The following ABCA6 variants were observed in gnomAD, a reference collection of about 807,000 sequenced individuals.
ABCA6 encodes ATP binding cassette subfamily A member 6, also known as ATP-binding cassette sub-family A member 6.
A neutral mutation model predicts 191.2 loss-of-function variants in ABCA6; 164 were observed. That is an observed-to-expected ratio of 0.86 (90% CI 0.76 to 0.98). ABCA6 has a LOEUF of 0.98. ABCA6 is among the 50% of genes least tolerant of loss of function. ABCA6 has a pLI of 0.00. For missense variants in ABCA6, 1,958 were observed against 1,894.1 expected (o/e 1.03, Z -0.63); for synonymous variants, 636 against 647.7 (o/e 0.98, Z 0.27).
At position 69,134,748 on chromosome 17, in the gene ABCA6, AG is replaced by A. The variant is rs2073921875; in HGVS notation, c.461-7del. On this transcript the variant is annotated splice_region_variant and splice_polypyrimidine_tract_variant and intron_variant, in intron 4 of 38. Coordinates refer to ENST00000284425, the MANE Select transcript of ABCA6 (RefSeq NM_080284.3). ...ATATCCATCCCAGCAATGAGCTGTA[AG>A]CACAAAGAAAAGCACAGCCAACATT... 6.2e-7 allele frequency: 1 copy of A among 1,602,132 alleles called. No homozygotes were observed. The highest frequency in any genetic ancestry group is 2.2e-5 in the East Asian group (1 of 44,786).
In ABCA6 at chr17:69,106,012, G is replaced by C. The variant is rs1458261991; in HGVS notation, c.2573+16C>G. On this transcript the variant is annotated intron_variant, in intron 19 of 38. Coordinates refer to ENST00000284425, the MANE Select transcript of ABCA6 (RefSeq NM_080284.3). ...AAATTCATGATCTAACAAAACCACA[G>C]TACTCTCCTACTCACAGGGTCAATA... is the stretch of plus-strand genomic sequence containing the variant. The C allele has an allele frequency of 1.9e-6, 3 of 1,587,834 alleles. No individual in the cohort carries two copies. The highest frequency in any genetic ancestry group is 1.4e-5 in the African/African-American group (1 of 73,588).
At position 69,128,618 on chromosome 17, in the gene ABCA6, C is replaced by G. The variant is rs769920811; in HGVS notation, c.1119+1G>C. ...AATAAACCAATTAACTAGGCTCTTA[C>G]CTGAATCATTCCAGTAGTAAAGGCA... On this transcript the variant is annotated splice_donor_variant, in intron 8 of 38. Transcript: ENST00000284425. LOFTEE classifies it high-confidence loss of function. 6.2e-7 allele frequency: 1 copy of G among 1,607,960 alleles called. No homozygotes were observed. The highest frequency in any genetic ancestry group is 2.2e-5 in the East Asian group (1 of 44,752).
chr17:69,090,583 T>C (rs1860120), intron 26 of ABCA6, among the ~76,000 whole-genome samples: 123,772 of 152,192 alleles, frequency 0.81, 52,661 homozygotes, highest in Non-Finnish European at 0.94. Context: ...CATTTAAGTT[T>C]CTTGTATTAA....
chr17:69,129,494 GCA>G, intron 7 of ABCA6, 114 bp downstream of exon 7: 2 of 842,046 alleles, frequency 2.4e-6, no homozygotes, highest in Non-Finnish European at 3.7e-6. Context: ...ACACACACAT[GCA>G]CACACACAAT....
chr17:69,083,176 T>C (rs553230618), intron 35 of ABCA6, 36 bp downstream of exon 35: 2 of 1,566,742 alleles, frequency 1.3e-6, no homozygotes, highest in South Asian at 1.2e-5. Context: ...AAATCTCATT[T>C]TGAGCATCAA....
In ABCA6 at chr17:69,113,534, A is replaced by G. The variant is rs2073475161; in HGVS notation, c.1902+84T>C. The stretch of plus-strand genomic sequence containing the variant: ...TTCTCTCTTGATGCATTACAATGAA[A>G]GCTCTACCACTTTTAGTGGTAAAAG... On this transcript the variant is annotated intron_variant, in intron 14 of 38. Coordinates refer to ENST00000284425, the MANE Select transcript of ABCA6 (RefSeq NM_080284.3). 3 of 1,595,336 alleles carry G rather than the reference A, an allele frequency of 1.9e-6. No homozygotes were observed. The South Asian group carries it at 3.4e-5, about 18-fold the overall frequency.
chr17:69,137,353 T>C lies in ABCA6; in HGVS notation c.244A>G (p.Ile82Val), dbSNP rs1182314878. The change falls in exon 3 of 39, where the codon ATA becomes GTA. Residue 82 changes from isoleucine to valine, a missense_variant. By Grantham distance (29) the Ile-to-Val change is conservative. Transcript: ENST00000284425. ...ATTATCTGCTGGGTTAAATTAGATA[T>C]TGGTGTATACACAACCATTAAAGAA... The part of the protein sequence containing the change: ...SSSLMVVYTP[I>V]SNLTQQIMNK... 2 of 1,613,666 alleles carry C rather than the reference T, an allele frequency of 1.2e-6. No homozygotes were observed. The highest frequency in any genetic ancestry group is 8.5e-7 in the Non-Finnish European group (1 of 1,179,738).
chr17:69,114,558 A>G (rs1358120161), intron 13 of ABCA6, among the ~76,000 whole-genome samples: 1 of 152,196 alleles, frequency 6.6e-6, no homozygotes, highest in Non-Finnish European at 1.5e-5. Flanking sequence ...AACTTAAAGT[A>G]TAATAAAAAA....
chr17:69,112,599 A>T (rs2073446773), intron 15 of ABCA6: 1 of 250,852 alleles, frequency 4.0e-6, no homozygotes, highest in African/African-American at 2.3e-5. Flanking sequence ...TGAGAGCTAA[A>T]AAATGGGTAC....
intron 36 of ABCA6, among the ~76,000 whole-genome samples, chr17:69,081,916 G>A (rs1314109282): frequency 6.6e-6 from 1 of 152,198 alleles, no homozygotes; most frequent in Admixed American, 6.5e-5. Flanking sequence ...AGACGTAATT[G>A]ATTTGGGGCA....
In ABCA6 at chr17:69,087,474, C is replaced by T; in HGVS notation, c.3699-1G>A. The T allele has an allele frequency of 6.2e-7, 1 of 1,613,328 alleles. No individual in the cohort carries two copies. The highest frequency in any genetic ancestry group is 1.7e-4 in the Middle Eastern group (1 of 6,058). ...AGCATCTCTACTTTGGGGGGAAATT[C>T]TATGGAGAAAATGAAATGTGTTACA... On this transcript the variant is annotated splice_acceptor_variant, in intron 28 of 38. Transcript: ENST00000284425. LOFTEE classifies it high-confidence loss of function.
intron 29 of ABCA6, 40 bp downstream of exon 29, chr17:69,087,313 A>T: frequency 1.2e-6 from 2 of 1,601,336 alleles, no homozygotes; most frequent in Non-Finnish European, 1.7e-6. Flanking sequence ...CAGTTCTTGA[A>T]TATCTCCATT....
chr17:69,108,108 A>G (rs1482683486), intron 17 of ABCA6: 1 of 317,134 alleles, frequency 3.2e-6, no homozygotes, highest in Admixed American at 5.0e-5. Context: ...TTATCTTCTC[A>G]CCTCCACACT....
At chr17:69,082,328 A>AACACACAC (rs61523425) in intron 36 of ABCA6, among the ~76,000 whole-genome samples, 1 of 144,794 alleles carries the variant, frequency 6.9e-6, no homozygotes, top group African/African-American at 2.5e-5. Flanking sequence ...GACATACACA[A>AACACACAC]ACACACACAC....
chr17:69,087,462 T>TG lies in ABCA6; in HGVS notation c.3709dup (p.Gln1237ProfsTer3). On this transcript the variant is annotated frameshift_variant, in exon 29 of 39. Coordinates refer to ENST00000284425, the MANE Select transcript of ABCA6 (RefSeq NM_080284.3). LOFTEE classifies it high-confidence loss of function. ...TGGATTTGGCTTAGCATCTCTACTT[T>TG]GGGGGGAAATTCTATGGAGAAAATG... 2 of 1,613,790 alleles carry TG rather than the reference T, an allele frequency of 1.2e-6. No individual in the cohort carries two copies. The highest frequency in any genetic ancestry group is 1.3e-5 in the African/African-American group (1 of 75,014).
chr17:69,108,927 C>A (rs1742109548), intron 17 of ABCA6: 1 of 152,176 alleles, frequency 6.6e-6, no homozygotes, highest in Non-Finnish European at 1.5e-5. Flanking sequence ...GTGGTAGTAC[C>A]AACATATAAT....
chr17:69,102,171 C>T (rs1312535977), intron 21 of ABCA6, among the ~76,000 whole-genome samples: 1 of 152,088 alleles, frequency 6.6e-6, no homozygotes, highest in African/African-American at 2.4e-5. Flanking sequence ...CATGATGAAA[C>T]CCACTCTCTA....
chr17:69,107,815 A>G lies in ABCA6; in HGVS notation c.2273-3T>C. 3 of 1,562,346 alleles carry G rather than the reference A, an allele frequency of 1.9e-6. No individual in the cohort carries two copies. Among genetic ancestry groups the G allele is most frequent in the Non-Finnish European group, 2.6e-6 (3 of 1,138,214 alleles). ...CTTATCCAGATCACTGAAAAGATCTAAGGCAAAAAAATATGAATAGATACT... is the reference window on the plus strand; with the variant it reads ...CTTATCCAGATCACTGAAAAGATCTGAGGCAAAAAAATATGAATAGATACT... On this transcript the variant is annotated splice_polypyrimidine_tract_variant and splice_region_variant and intron_variant, in intron 17 of 38. Coordinates refer to ENST00000284425, the MANE Select transcript of ABCA6 (RefSeq NM_080284.3).
At chr17:69,087,898 G>T (rs1349631756) in intron 28 of ABCA6, among the ~76,000 whole-genome samples, 1 of 152,082 alleles carries the variant, frequency 6.6e-6, no homozygotes, top group Non-Finnish European at 1.5e-5. Flanking sequence ...TTCTTTTCAA[G>T]GATGCACAAT....
Sources: allele counts gnomAD v4.1 joint callset (sites outside exome capture counted in the v4.1 genomes callset), GRCh38; gene constraint gnomAD v4.1.1; transcripts MANE v1.5; gene names NCBI Gene and HGNC (gene_info 2026-07-23, HGNC 2026-07-21).